Variants in SVIL observed in about 807,000 individuals in gnomAD.
The protein encoded by SVIL is archvillin.
Under a neutral mutation model 240.4 loss-of-function variants are expected in SVIL, and 101 were observed. The observed-to-expected ratio is 0.42, with a 90% CI of 0.36 to 0.50. The LOEUF (loss-of-function observed/expected upper bound fraction) is 0.50, where lower values mean the gene tolerates loss of function less well. SVIL is among the 20% of genes least tolerant of loss of function. SVIL has a pLI of 0.01. For missense variants in SVIL, 2,512 were observed against 2,818.7 expected (o/e 0.89, Z 2.46); for synonymous variants, 999 against 1,100.0 (o/e 0.91, Z 1.82).
chr10:29,617,788 C>G (rs1263475169), intron 1 of SVIL, among the ~76,000 whole-genome samples: 1 of 152,152 alleles, frequency 6.6e-6, no homozygotes, highest in Non-Finnish European at 1.5e-5. Flanking sequence ...TTACACTTTT[C>G]TCAAATTAGT....
intron 1 of SVIL, among the ~76,000 whole-genome samples, chr10:29,689,212 A>T (rs1167566122): frequency 6.6e-6 from 1 of 152,210 alleles, no homozygotes; most frequent in African/African-American, 2.4e-5. Flanking sequence ...TGATTCATCC[A>T]TGCGTATACA....
intron 24 of SVIL, among the ~76,000 whole-genome samples, chr10:29,486,915 T>C (rs1203778726): frequency 6.6e-6 from 1 of 152,202 alleles, no homozygotes. Context: ...CTTCCTTTTT[T>C]ACACAGGAGT....
At chr10:29,663,353 C>T (rs1959179891) in intron 2 of SVIL, among the ~76,000 whole-genome samples, 1 of 152,086 alleles carries the variant, frequency 6.6e-6, no homozygotes, top group African/African-American at 2.4e-5. Context: ...CTTTTCTGTA[C>T]TTTACCTCTC....
At chr10:29,509,832 G>A (rs1315475311) in intron 17 of SVIL, among the ~76,000 whole-genome samples, 4 of 152,172 alleles carry the variant, frequency 2.6e-5, no homozygotes, top group African/African-American at 7.2e-5. Context: ...CCTGGGCAAC[G>A]AGAATGAAAC....
intron 1 of SVIL, among the ~76,000 whole-genome samples, chr10:29,716,594 G>T (rs1963623682): frequency 6.6e-6 from 1 of 152,102 alleles, no homozygotes; most frequent in East Asian, 1.9e-4. Context: ...GACAATTTCA[G>T]CAAAAACATA....
intron 1 of SVIL, among the ~76,000 whole-genome samples, chr10:29,732,407 T>TA (rs1216549487): frequency 4.6e-5 from 7 of 152,162 alleles, no homozygotes; most frequent in Non-Finnish European, 8.8e-5. Context: ...ACTATATACA[T>TA]ATAGATACAA....
At chr10:29,709,638 A>G (rs1293291849) in intron 1 of SVIL, among the ~76,000 whole-genome samples, 1 of 152,136 alleles carries the variant, frequency 6.6e-6, no homozygotes, top group Admixed American at 6.5e-5. Context: ...TGCAGCAGCT[A>G]GCAGCCTGTG....
intron 2 of SVIL, among the ~76,000 whole-genome samples, chr10:29,668,443 C>CTAAAATCTTCAGGCAAGAAG: frequency 6.6e-6 from 1 of 152,256 alleles, no homozygotes; most frequent in South Asian, 2.1e-4. Flanking sequence ...AAGGTTACTG[C>CTAAAATCTTCAGGCAAGAAG]TAAAATCTTC....
Position 29,522,371 on chromosome 10 carries a change from C to T in SVIL, c.3389+39G>A, listed in dbSNP as rs766019522. The stretch of plus-strand genomic sequence containing the variant: ...TTCTAAAAGCAAGCTGTAAGCTCCT[C>T]CCCGAGAGAATTACTTTTCGCTCAC... On this transcript the variant is annotated intron_variant, in intron 16 of 37. Coordinates refer to ENST00000355867, the MANE Select transcript of SVIL (RefSeq NM_021738.3). The T allele has an allele frequency of 2.1e-5, 33 of 1,605,218 alleles. No individual in the cohort carries two copies. In the East Asian group the frequency reaches 6.5e-4, roughly 31 times the overall value.
chr10:29,712,172 A>C (rs1963335792), intron 1 of SVIL, among the ~76,000 whole-genome samples: 1 of 152,204 alleles, frequency 6.6e-6, no homozygotes, highest in Non-Finnish European at 1.5e-5. Context: ...TATTTACATT[A>C]ACACTGCTCA....
intron 2 of SVIL, among the ~76,000 whole-genome samples, chr10:29,676,544 G>T (rs991020677): frequency 5.3e-5 from 8 of 152,196 alleles, no homozygotes; most frequent in Admixed American, 2.6e-4. Flanking sequence ...TTCTGGAACT[G>T]CACACAGAGG....
intron 1 of SVIL, among the ~76,000 whole-genome samples, chr10:29,572,006 G>T (rs1411723705): frequency 6.6e-6 from 1 of 152,146 alleles, no homozygotes; most frequent in Non-Finnish European, 1.5e-5. Context: ...AGGGCTGCAG[G>T]AAATGTTTGC....
At chr10:29,664,063 G>A (rs1041118495) in intron 2 of SVIL, among the ~76,000 whole-genome samples, 9 of 152,080 alleles carry the variant, frequency 5.9e-5, no homozygotes, top group Non-Finnish European at 1.2e-4. Flanking sequence ...TGACCTTCCC[G>A]TGTATCCCAT....
intron 1 of SVIL, among the ~76,000 whole-genome samples, chr10:29,718,030 AT>A (rs1218390578): frequency 3.9e-5 from 6 of 152,114 alleles, no homozygotes; most frequent in Non-Finnish European, 7.3e-5. Context: ...AATTAAATTA[AT>A]TTCACCTGTT....
intron 3 of SVIL, chr10:29,643,896 T>C: frequency 2.1e-6 from 1 of 471,902 alleles, no homozygotes. Flanking sequence ...GTGGTCAAAA[T>C]GAGATGTGAA....
At chr10:29,479,446 A>T (rs547513005) in intron 29 of SVIL, among the ~76,000 whole-genome samples, 185 of 152,296 alleles carry the variant, frequency 1.2e-3, no homozygotes, top group Non-Finnish European at 2.2e-3. Context: ...AGCCCCCAGC[A>T]TCGTGCCCTG....
rs572459896 is a variant in SVIL, at chr10:29,651,990, C to G, written c.-201+5979G>C. ...CTATCATGAAGTGCTGACAGTTAAC[C>G]GTCCAATATATGTAAGACACACACA... On this transcript the variant is annotated intron_variant, in intron 3 of 35. Coordinates refer to the SVIL transcript ENST00000375400. Among the ~76,000 whole-genome samples the G allele has an allele frequency of 2.0e-5, 3 of 151,150 alleles. No individual in the cohort carries two copies. In the Admixed American group the frequency reaches 2.0e-4, roughly 10 times the overall value.
chr10:29,509,136 C>G (rs1323445693), intron 17 of SVIL, among the ~76,000 whole-genome samples: 3 of 152,170 alleles, frequency 2.0e-5, no homozygotes. Flanking sequence ...CCACACCGTG[C>G]AGACCAGACC....
chr10:29,551,133 A>G lies in SVIL; in HGVS notation c.291T>C (p.Ser97=). Reference sequence around the variant, plus strand: ...CAATTCTTTCGGCTTTGGACTCCAGACTGTGGGTGTCCATGGTACCCGAAC... The same window carrying G: ...CAATTCTTTCGGCTTTGGACTCCAGGCTGTGGGTGTCCATGGTACCCGAAC... ...PYGSGTMDTH[S]LESKAERIAR... is the part of the protein sequence containing the mutation. The change falls in exon 6 of 38, where the codon AGT becomes AGC. Residue 97 remains serine, a synonymous_variant. Coordinates refer to ENST00000355867, the MANE Select transcript of SVIL (RefSeq NM_021738.3). The G allele has an allele frequency of 6.2e-7, 1 of 1,613,998 alleles. No individual in the cohort carries two copies. Among genetic ancestry groups the G allele is most frequent in the Non-Finnish European group, 8.5e-7 (1 of 1,179,990 alleles).
Sources: gnomAD v4.1 joint callset for allele counts (sites outside exome capture counted in the v4.1 genomes callset) on GRCh38, gnomAD v4.1.1 for gene constraint, MANE v1.5 for transcripts, NCBI Gene and HGNC (gene_info 2026-07-23, HGNC 2026-07-21) for gene names.